TRIQK: variants seen among roughly 807,000 people sequenced by gnomAD.
TRIQK encodes the protein triple QxxK/R motif-containing protein.
TRIQK carries 10 observed loss-of-function variants against 10.8 expected under a neutral mutation model. The observed-to-expected ratio is 0.92, with a 90% confidence interval of 0.57 to 1.57. The LOEUF is 1.57. Among genes scored for constraint, TRIQK ranks in the 40% most tolerant of loss-of-function variants. The probability of loss-of-function intolerance (pLI) is 0.00; values close to 1 mark genes in which losing one functional copy is unlikely to be tolerated. For synonymous variants in TRIQK, 33 were observed against 33.7 expected (o/e 0.98, Z 0.07); for missense variants, 107 against 97.7 (o/e 1.09, Z -0.40).
chr8:92,964,017 T>C (rs924828250), intron 1 of TRIQK, among the ~76,000 whole-genome samples: 1 of 152,018 alleles, frequency 6.6e-6, no homozygotes. Context: ...GGATAAAACA[T>C]AGATTACATG....
intron 1 of TRIQK, among the ~76,000 whole-genome samples, chr8:92,982,954 G>A (rs1813000804): frequency 6.6e-6 from 1 of 151,886 alleles, no homozygotes; most frequent in East Asian, 1.9e-4. Context: ...GACACATTGG[G>A]TAGATTATTT....
At chr8:92,922,811 A>G (rs1293966788) in intron 2 of TRIQK, among the ~76,000 whole-genome samples, 1 of 151,782 alleles carries the variant, frequency 6.6e-6, no homozygotes, top group Non-Finnish European at 1.5e-5. Flanking sequence ...AAGAATTTCA[A>G]CCAAGATACA....
At chr8:92,996,216 C>T (rs572320829) in intron 1 of TRIQK, among the ~76,000 whole-genome samples, 1 of 152,084 alleles carries the variant, frequency 6.6e-6, no homozygotes, top group Non-Finnish European at 1.5e-5. Context: ...TTTTGTGCTA[C>T]ATCTCCAGCA....
At chr8:92,923,336 T>C (rs556768665) in intron 2 of TRIQK, among the ~76,000 whole-genome samples, 2 of 151,724 alleles carry the variant, frequency 1.3e-5, no homozygotes, top group Admixed American at 1.3e-4. Context: ...CAATTTAAAA[T>C]GTGTTGTGAT....
At chr8:92,984,082 T>C (rs1044791491) in intron 1 of TRIQK, among the ~76,000 whole-genome samples, 2 of 152,074 alleles carry the variant, frequency 1.3e-5, no homozygotes, top group African/African-American at 4.8e-5. Context: ...AATGTATTTA[T>C]AAATTAGGAA....
At chr8:92,950,679 C>A (rs935858185) in intron 2 of TRIQK, among the ~76,000 whole-genome samples, 10 of 152,098 alleles carry the variant, frequency 6.6e-5, no homozygotes, top group African/African-American at 2.4e-4. Context: ...GAGCCTCAAA[C>A]CTTTAATTTC....
intron 3 of TRIQK, among the ~76,000 whole-genome samples, chr8:92,910,988 T>C (rs929111295): frequency 1.3e-5 from 2 of 151,358 alleles, no homozygotes; most frequent in African/African-American, 2.4e-5. Context: ...TATTAGAGAA[T>C]ACCTATTCCT....
chr8:93,005,086 A>G (rs1813254581), intron 1 of TRIQK, among the ~76,000 whole-genome samples: 1 of 152,092 alleles, frequency 6.6e-6, no homozygotes, highest in Non-Finnish European at 1.5e-5. Context: ...TCTGATGCCA[A>G]TTTTCTGGAT....
At chr8:92,967,675 A>AGGCAGGCATGGT (rs1269838141), upstream of TRIQK, among the ~76,000 whole-genome samples, 4 of 152,020 alleles carry the variant, frequency 2.6e-5, no homozygotes, top group Non-Finnish European at 5.9e-5. Flanking sequence ...TACAAAAATT[A>AGGCAGGCATGGT]GGCAGGCATG....
At chr8:93,015,541 C>T (rs1813376940) in intron 1 of TRIQK, among the ~76,000 whole-genome samples, 1 of 150,388 alleles carries the variant, frequency 6.6e-6, no homozygotes, top group Non-Finnish European at 1.5e-5. Flanking sequence ...CACACACAAA[C>T]CCAAAACGAT....
chr8:93,010,348 T>C (rs1435787293), intron 1 of TRIQK, among the ~76,000 whole-genome samples: 1 of 152,152 alleles, frequency 6.6e-6, no homozygotes, highest in African/African-American at 2.4e-5. Flanking sequence ...AATGTATCTA[T>C]GTATTGAAAC....
intron 1 of TRIQK, among the ~76,000 whole-genome samples, chr8:92,989,798 C>T (rs1379210895): frequency 6.6e-6 from 1 of 151,920 alleles, no homozygotes; most frequent in African/African-American, 2.4e-5. Context: ...TCCCTGGTGC[C>T]AAAAAGATTG....
At chr8:92,890,446 G>T (rs1033994155) in intron 4 of TRIQK, among the ~76,000 whole-genome samples, 4 of 151,590 alleles carry the variant, frequency 2.6e-5, no homozygotes, top group African/African-American at 9.7e-5. Context: ...TAAGAAAAAT[G>T]TTTTCTCATA....
chr8:92,940,641 G>T (rs1811222003), intron 2 of TRIQK, among the ~76,000 whole-genome samples: 1 of 152,122 alleles, frequency 6.6e-6, no homozygotes. Flanking sequence ...AATATTAGTA[G>T]ATATAAAGAG....
rs34869928 is a variant in TRIQK, at chr8:92,918,775, ACC to A, written c.-21-1767_-21-1766del. Among the ~76,000 whole-genome samples, 258 of 146,084 alleles carry A rather than the reference ACC, an allele frequency of 1.8e-3. 2 individuals are homozygous for A. Among genetic ancestry groups the A allele is most frequent in the African/African-American group, 6.1e-3 (242 of 39,724 alleles). On this transcript the variant is annotated intron_variant, in intron 2 of 4. Coordinates refer to ENST00000521988, the MANE Select transcript of TRIQK (RefSeq NM_001171797.2). Reference sequence around the variant, plus strand: ...TTGTTGCCTGGGCTTTTGAGATCTTACCCCCCCCCACAATTTTTGCCAGACCA... The same window carrying A: ...TTGTTGCCTGGGCTTTTGAGATCTTACCCCCCCACAATTTTTGCCAGACCA...
chr8:92,966,396 T>TCA (rs969004206), upstream of TRIQK, among the ~76,000 whole-genome samples: 5 of 151,950 alleles, frequency 3.3e-5, no homozygotes, highest in African/African-American at 9.7e-5. Flanking sequence ...CCCTCCCATC[T>TCA]CACACACACA....
intron 1 of TRIQK, among the ~76,000 whole-genome samples, chr8:92,975,913 A>C (rs1417837097): frequency 6.6e-6 from 1 of 151,946 alleles, no homozygotes; most frequent in Non-Finnish European, 1.5e-5. Flanking sequence ...TTGATTTCTG[A>C]TATGACTAAT....
intron 2 of TRIQK, among the ~76,000 whole-genome samples, chr8:92,942,790 G>C (rs1811334028): frequency 6.6e-6 from 1 of 152,106 alleles, no homozygotes; most frequent in Non-Finnish European, 1.5e-5. Context: ...TGCCTCAGGG[G>C]TTTGAGCAGT....
intron 1 of TRIQK, among the ~76,000 whole-genome samples, chr8:93,016,435 T>C (rs180833002): frequency 2.4e-4 from 36 of 152,344 alleles, no homozygotes; most frequent in African/African-American, 8.2e-4. Context: ...ACAACTAGTT[T>C]TCTAATCTAG....
Sources: gnomAD v4.1 joint callset for allele counts (sites outside exome capture counted in the v4.1 genomes callset) on GRCh38, gnomAD v4.1.1 for gene constraint, MANE v1.5 for transcripts, NCBI Gene and HGNC (gene_info 2026-07-23, HGNC 2026-07-21) for gene names.